Variants in IMMP2L observed in about 807,000 individuals in gnomAD.
IMMP2L encodes inner mitochondrial membrane peptidase subunit 2, also known as mitochondrial inner membrane protease subunit 2.
A neutral mutation model predicts 19.3 loss-of-function variants in IMMP2L; 18 were observed. That is an observed-to-expected ratio of 0.93 (90% CI 0.64 to 1.38). The LOEUF is 1.38. IMMP2L is among the 40% of genes most tolerant of loss of function. The probability of loss-of-function intolerance (pLI) is 0.00; values close to 1 mark genes in which losing one functional copy is unlikely to be tolerated. For synonymous variants in IMMP2L, 76 were observed against 73.0 expected, an observed-to-expected ratio of 1.04 and a Z score of -0.21; for missense variants, 233 against 218.2, an observed-to-expected ratio of 1.07 and a Z score of -0.43.
At chr7:110,722,616 C>G (rs1363510699) in intron 5 of IMMP2L, among the ~76,000 whole-genome samples, 1 of 152,160 alleles carries the variant, frequency 6.6e-6, no homozygotes, top group Non-Finnish European at 1.5e-5. Flanking sequence ...AGATAGCATA[C>G]ATTGTACTCA....
chr7:110,685,068 G>T (rs1029678517), intron 5 of IMMP2L, among the ~76,000 whole-genome samples: 3 of 151,980 alleles, frequency 2.0e-5, no homozygotes, highest in Non-Finnish European at 2.9e-5. Flanking sequence ...TGGGGGGGAA[G>T]GGGATGTCTC....
intron 3 of IMMP2L, among the ~76,000 whole-genome samples, chr7:111,427,262 T>A (rs1160331077): frequency 6.6e-6 from 1 of 151,692 alleles, no homozygotes; most frequent in African/African-American, 2.4e-5. Flanking sequence ...CAAGATACTT[T>A]GTAATTTGTT....
chr7:111,403,612 A>G lies in IMMP2L; in HGVS notation c.239+83626T>C, dbSNP rs574855817. ...TTTGTTTAAAGGGGGTCAATAAAAT[A>G]ATCTAAGTCAACTATTTTATTTATT... On this transcript the variant is annotated intron_variant, in intron 3 of 5. Transcript: ENST00000405709. Among the ~76,000 whole-genome samples, 6 of 152,222 alleles carry G rather than the reference A, an allele frequency of 3.9e-5. No homozygotes were observed. The East Asian group carries it at 7.7e-4, about 20-fold the overall frequency.
intron 5 of IMMP2L, among the ~76,000 whole-genome samples, chr7:110,854,238 A>C (rs937256559): frequency 6.6e-6 from 1 of 151,912 alleles, no homozygotes; most frequent in Non-Finnish European, 1.5e-5. Flanking sequence ...TTTCCATTTA[A>C]ATTTTTTTCT....
At chr7:110,902,550 G>C (rs1345393837) in intron 4 of IMMP2L, among the ~76,000 whole-genome samples, 1 of 150,520 alleles carries the variant, frequency 6.6e-6, no homozygotes, top group African/African-American at 2.4e-5. Context: ...TGGTTTGTCT[G>C]AAATGTGGTT....
intron 3 of IMMP2L, among the ~76,000 whole-genome samples, chr7:111,372,746 G>C (rs1830364647): frequency 6.6e-6 from 1 of 151,988 alleles, no homozygotes; most frequent in Admixed American, 6.6e-5. Flanking sequence ...AAAAGGCCAT[G>C]AACATAATGT....
At chr7:111,080,642 C>G (rs1248020425) in intron 3 of IMMP2L, among the ~76,000 whole-genome samples, 1 of 152,034 alleles carries the variant, frequency 6.6e-6, no homozygotes, top group Non-Finnish European at 1.5e-5. Flanking sequence ...TAAACATTTG[C>G]TGTTTCCATC....
At chr7:111,122,088 G>A (rs1800709185) in intron 3 of IMMP2L, among the ~76,000 whole-genome samples, 1 of 128,366 alleles carries the variant, frequency 7.8e-6, no homozygotes. Context: ...GTGGGGTGGG[G>A]GGAGGGATAG....
intron 3 of IMMP2L, among the ~76,000 whole-genome samples, chr7:111,444,049 T>C (rs1838032227): frequency 1.3e-5 from 2 of 152,184 alleles, no homozygotes; most frequent in South Asian, 4.1e-4. Flanking sequence ...AGGCTTGCTA[T>C]GAAAGTATCT....
chr7:111,174,972 T>C (rs549817209), intron 3 of IMMP2L, among the ~76,000 whole-genome samples: 107 of 151,950 alleles, frequency 7.0e-4, no homozygotes, highest in Non-Finnish European at 1.3e-3. Flanking sequence ...CACTTAATAA[T>C]TTCTTAGTAC....
At chr7:111,223,113 C>CAA (rs1006474221) in intron 3 of IMMP2L, among the ~76,000 whole-genome samples, 29 of 151,968 alleles carry the variant, frequency 1.9e-4, no homozygotes, top group African/African-American at 7.0e-4. Context: ...ATGAAAAACA[C>CAA]TATATATATT....
At chr7:111,209,461 A>G (rs1359383445) in intron 3 of IMMP2L, among the ~76,000 whole-genome samples, 1 of 151,808 alleles carries the variant, frequency 6.6e-6, no homozygotes, top group Non-Finnish European at 1.5e-5. Flanking sequence ...ATTAATATGT[A>G]GTTTCAGCTA....
In IMMP2L at chr7:111,506,786, T is replaced by G. The variant is rs115948448; in HGVS notation, c.135+14527A>C. Among the ~76,000 whole-genome samples, 888 of 152,284 alleles carry G rather than the reference T, an allele frequency of 5.8e-3. 13 individuals carry two copies. Among genetic ancestry groups the G allele is most frequent in the African/African-American group, 0.02 (821 of 41,564 alleles). On this transcript the variant is annotated intron_variant, in intron 2 of 5. Coordinates refer to ENST00000405709, the MANE Select transcript of IMMP2L (RefSeq NM_032549.4). ...TGAAGAGTTTACAATATATTTTGTC[T>G]AATTAAAAAGATATACTAAGTACCA... is the stretch of plus-strand genomic sequence containing the variant.
intron 3 of IMMP2L, among the ~76,000 whole-genome samples, chr7:111,371,751 T>TA (rs2131110237): frequency 6.6e-6 from 1 of 152,160 alleles, no homozygotes; most frequent in East Asian, 1.9e-4. Flanking sequence ...TTTAAAATTC[T>TA]AAAAGGTGTG....
chr7:110,896,959 T>G (rs1811390073), intron 4 of IMMP2L, among the ~76,000 whole-genome samples: 2 of 152,098 alleles, frequency 1.3e-5, no homozygotes, highest in African/African-American at 4.8e-5. Flanking sequence ...ACTGCAGGCA[T>G]GTGCCACCAT....
chr7:111,458,593 GA>G (rs1162525865), intron 3 of IMMP2L, among the ~76,000 whole-genome samples: 2 of 151,906 alleles, frequency 1.3e-5, no homozygotes, highest in African/African-American at 2.4e-5. Flanking sequence ...TCCCCAAACA[GA>G]AAATTTTCCT....
intron 4 of IMMP2L, among the ~76,000 whole-genome samples, chr7:110,934,849 G>A (rs1428328650): frequency 6.6e-6 from 1 of 152,166 alleles, no homozygotes; most frequent in Non-Finnish European, 1.5e-5. Context: ...CATTTGCTTG[G>A]TAAATATTCC....
chr7:111,123,424 G>A lies in IMMP2L; in HGVS notation c.240-159859C>T, dbSNP rs1004357844. On this transcript the variant is annotated intron_variant, in intron 3 of 5. Coordinates refer to ENST00000405709, the MANE Select transcript of IMMP2L (RefSeq NM_032549.4). This position sits in a 1 kb window ranked among gnomAD's most constrained non-coding sequence, Gnocchi z 6.4. ...GCCTCTTATCAATCTTCGCAGCCTG[G>A]TTATAGCTGGTATAAACCTCACAGA... is the stretch of plus-strand genomic sequence containing the variant. The A allele has an allele frequency of 1.9e-6, 3 of 1,613,456 alleles. No individual in the cohort carries two copies. Among genetic ancestry groups the A allele is most frequent in the South Asian group, 1.1e-5 (1 of 90,990 alleles).
chr7:110,981,660 G>A (rs1054934317), intron 3 of IMMP2L, among the ~76,000 whole-genome samples: 11 of 151,682 alleles, frequency 7.3e-5, no homozygotes, highest in Non-Finnish European at 1.6e-4. Context: ...GTATTCATTA[G>A]AGTGCTGATT....
Sources: gnomAD v4.1 joint callset for allele counts (sites outside exome capture counted in the v4.1 genomes callset) on GRCh38, gnomAD v4.1.1 for gene constraint, Gnocchi (gnomAD v3.1) non-coding constraint, MANE v1.5 for transcripts, NCBI Gene and HGNC (gene_info 2026-07-23, HGNC 2026-07-21) for gene names.